Variants in MANSC1 observed in about 807,000 individuals in gnomAD.
MANSC1 encodes MANSC domain containing 1.
A neutral mutation model predicts 14.1 loss-of-function variants in MANSC1; 13 were observed. That is an observed-to-expected ratio of 0.92 (90% confidence interval 0.60 to 1.46). The LOEUF is 1.46. Ranked by LOEUF, MANSC1 falls within the 40% of genes most tolerant of loss-of-function variation. The pLI is 0.00. For missense variants in MANSC1, 486 were observed against 511.4 expected (o/e 0.95, Z 0.48); for synonymous variants, 227 against 200.7 (o/e 1.13, Z -1.11).
chr12:12,338,170 G>A (rs78830008), intron 3 of MANSC1, among the ~76,000 whole-genome samples: 1 of 152,116 alleles, frequency 6.6e-6, no homozygotes, highest in African/African-American at 2.4e-5. Flanking sequence ...CTTCAAAAAC[G>A]TTTCATACAA....
intron 1 of MANSC1, among the ~76,000 whole-genome samples, chr12:12,347,365 C>T (rs1863023061): frequency 6.6e-6 from 1 of 152,084 alleles, no homozygotes; most frequent in African/African-American, 2.4e-5. Context: ...AATCTACGGC[C>T]ACCACTGATC....
At chr12:12,345,393 C>T (rs1015416136) in intron 1 of MANSC1, among the ~76,000 whole-genome samples, 6 of 151,690 alleles carry the variant, frequency 4.0e-5, no homozygotes, top group Non-Finnish European at 8.8e-5. Flanking sequence ...CCTATTGCTG[C>T]TTCTCCTTAA....
At chr12:12,335,499 C>T (rs1253407595) in intron 3 of MANSC1, among the ~76,000 whole-genome samples, 1 of 151,598 alleles carries the variant, frequency 6.6e-6, no homozygotes, top group Non-Finnish European at 1.5e-5. Context: ...CACCAGCACA[C>T]CCGGCTAATT....
intron 2 of MANSC1, among the ~76,000 whole-genome samples, chr12:12,341,464 T>G (rs1375532873): frequency 2.0e-5 from 3 of 152,154 alleles, no homozygotes; most frequent in African/African-American, 7.2e-5. Context: ...TGGGCCACTG[T>G]GACTGAACTC....
intron 1 of MANSC1, among the ~76,000 whole-genome samples, chr12:12,345,491 G>C (rs1383873072): frequency 2.0e-5 from 3 of 152,122 alleles, no homozygotes; most frequent in Non-Finnish European, 4.4e-5. Context: ...CTCAGTTAAA[G>C]GAAAGTTTAG....
rs1862748631 is a variant in MANSC1 at position 12,329,202 on chromosome 12, T to C, written c.*825A>G. 1.3e-5 allele frequency: 2 copies of C among 152,176 alleles called. No individual in the cohort carries two copies. The highest frequency in any genetic ancestry group is 6.6e-5 in the Admixed American group (1 of 15,264). The allele number at this position is 152,176 out of a possible 1,614,324, so 9.4% of individuals were successfully genotyped here. A position where few individuals can be genotyped will look rare whatever the true frequency, so the allele number is the denominator to read the frequency against. On this transcript the variant is annotated 3_prime_UTR_variant, in exon 4 of 4. Coordinates refer to ENST00000535902, the MANE Select transcript of MANSC1 (RefSeq NM_018050.4). The stretch of plus-strand genomic sequence containing the variant: ...AACGCATATTTTCACCACATAATCA[T>C]TTTGCTAGTGGAAATAAATGGAAAG...
chr12:12,330,035 C>G lies in MANSC1; in HGVS notation c.1288G>C (p.Asp430His). Reference protein sequence around the residue: ...LDYLINGIYVDI With the variant: ...LDYLINGIYVHI ...GACACCGAGTTCCATCCTTAGATGTCCACATAGATCCCATTGATCAAATAA... is the reference window on the plus strand; with the variant it reads ...GACACCGAGTTCCATCCTTAGATGTGCACATAGATCCCATTGATCAAATAA... The change falls in exon 4 of 4, where the codon GAC (aspartate) becomes CAC (histidine). Residue 430 changes from aspartate to histidine, a missense_variant. Transcript: ENST00000535902. 6.2e-7 allele frequency: 1 copy of G among 1,612,892 alleles called. No individual in the cohort carries two copies. The highest frequency in any genetic ancestry group is 8.5e-7 in the Non-Finnish European group (1 of 1,179,304).
chr12:12,346,089 C>T (rs57725255), intron 1 of MANSC1, among the ~76,000 whole-genome samples: 14,916 of 152,132 alleles, frequency 0.098, 759 homozygotes, highest in Non-Finnish European at 0.12. Flanking sequence ...CTGGCTAACA[C>T]GGTGAAACCC....
chr12:12,338,452 G>T lies in MANSC1; in HGVS notation c.332C>A (p.Ala111Glu). 1 of 1,608,148 alleles carries T rather than the reference G, an allele frequency of 6.2e-7. No homozygotes were observed. The highest frequency in any genetic ancestry group is 1.1e-5 in the South Asian group (1 of 89,886). Residue 111 changes from alanine (A) to glutamate (E), a missense_variant, in exon 3 of 4, where the codon GCA becomes GAA. Coordinates refer to ENST00000535902, the MANE Select transcript of MANSC1 (RefSeq NM_018050.4). ...TATCCTGTAACTCATAAGTCCTTTT[G>T]CTGGTTTCAATGGACAGGCTTCCTC... ...PNEEACPLKP[A>E]KGLMSYRIIT...
intron 1 of MANSC1, among the ~76,000 whole-genome samples, chr12:12,347,245 G>T (rs1324252018): frequency 6.6e-6 from 1 of 152,186 alleles, no homozygotes; most frequent in Non-Finnish European, 1.5e-5. Flanking sequence ...AGTACCATCT[G>T]GGGGTGATGG....
intron 3 of MANSC1, 74 bp from the exon 4 acceptor site, chr12:12,331,032 A>G: frequency 3.1e-6 from 3 of 959,446 alleles, no homozygotes; most frequent in South Asian, 3.3e-5. Flanking sequence ...ATACAAACAT[A>G]TCAGCTTGTT....
chr12:12,342,917 C>G (rs1351502425), intron 2 of MANSC1, among the ~76,000 whole-genome samples, 175 bp downstream of exon 2: 1 of 152,114 alleles, frequency 6.6e-6, no homozygotes, highest in Non-Finnish European at 1.5e-5. Flanking sequence ...TCATCAATAA[C>G]TTTGACTCAG....
intron 1 of MANSC1, among the ~76,000 whole-genome samples, chr12:12,346,910 T>C (rs1279561326): frequency 6.6e-6 from 1 of 151,130 alleles, no homozygotes; most frequent in Non-Finnish European, 1.5e-5. Context: ...CTACAAAAGA[T>C]ACCGTTAAAG....
intron 3 of MANSC1, among the ~76,000 whole-genome samples, chr12:12,336,680 C>A (rs1482593661): frequency 6.6e-6 from 1 of 152,060 alleles, no homozygotes; most frequent in African/African-American, 2.4e-5. Flanking sequence ...GCTCATGCCA[C>A]CATGCCCGGC....
Position 12,338,469 on chromosome 12 carries a change from G to A in MANSC1, c.315C>T (p.Ala105=), listed in dbSNP as rs1162135913. The change falls in exon 3 of 4, where the codon GCC becomes GCT. Residue 105 remains alanine (A), a synonymous_variant. Transcript: ENST00000535902. The stretch of plus-strand genomic sequence containing the variant: ...GTCCTTTTGCTGGTTTCAATGGACA[G>A]GCTTCCTCGTTGGGACAGAAAAATA... ...CYLFFCPNEE[A]CPLKPAKGLM... The A allele has an allele frequency of 1.2e-6, 2 of 1,612,840 alleles. No individual in the cohort carries two copies. The highest frequency in any genetic ancestry group is 1.1e-5 in the South Asian group (1 of 90,816).
intron 3 of MANSC1, among the ~76,000 whole-genome samples, chr12:12,332,162 A>G (rs1335398085): frequency 6.6e-6 from 1 of 152,176 alleles, no homozygotes; most frequent in Non-Finnish European, 1.5e-5. Context: ...TAGGCTAACC[A>G]TCTCACATTA....
intron 3 of MANSC1, among the ~76,000 whole-genome samples, chr12:12,333,695 A>G (rs1215469244): frequency 2.0e-5 from 3 of 152,170 alleles, no homozygotes; most frequent in Non-Finnish European, 2.9e-5. Flanking sequence ...TCCTCTTTGG[A>G]GTTTTATTTT....
In MANSC1 at chr12:12,349,311, C is replaced by T. The variant is rs1592039936; in HGVS notation, c.-101+767G>A. Among the ~76,000 whole-genome samples, 5 of 152,262 alleles carry T rather than the reference C, an allele frequency of 3.3e-5. No homozygotes were observed. In the South Asian group the frequency reaches 8.3e-4, roughly 25 times the overall value. On this transcript the variant is annotated intron_variant, in intron 1 of 3. Transcript: ENST00000535902. ...GAATCAAGAGAAAACCAGGCCAATA[C>T]TTTATTTTGAATGGATTCTAATGTA...
intron 1 of MANSC1, among the ~76,000 whole-genome samples, chr12:12,346,788 A>G (rs1042912870): frequency 2.0e-5 from 3 of 152,250 alleles, no homozygotes; most frequent in Non-Finnish European, 4.4e-5. Context: ...ATAACAGAAG[A>G]AAATCCTTGT....
Sources: allele counts gnomAD v4.1 joint callset (sites outside exome capture counted in the v4.1 genomes callset), GRCh38; gene constraint gnomAD v4.1.1; transcripts MANE v1.5; gene names NCBI Gene and HGNC (gene_info 2026-07-23, HGNC 2026-07-21).